TIAM1: variants seen among roughly 807,000 people sequenced by gnomAD.
The protein encoded by TIAM1 is rho guanine nucleotide exchange factor TIAM1.
TIAM1 carries 65 observed loss-of-function variants against 163.5 expected under a neutral mutation model. That is an observed-to-expected ratio of 0.40 (90% CI 0.33 to 0.49). The LOEUF (loss-of-function observed/expected upper bound fraction) is 0.49. TIAM1 is among the 20% of genes least tolerant of loss of function. TIAM1 has a pLI of 0.77. For missense variants in TIAM1, 1,789 were observed against 2,044.7 expected (o/e 0.87, Z 2.41); for synonymous variants, 833 against 810.1 (o/e 1.03, Z -0.48).
In TIAM1 at chr21:31,143,820, G is replaced by A. The variant is rs201955904; in HGVS notation, c.3476-2316C>T. ...TGGATCACTGCAACCTCTACCTCCC[G>A]AGTTCAAGCAATTGTCCTGCCTCAG... On this transcript the variant is annotated intron_variant, in intron 20 of 27. Coordinates refer to ENST00000541036, the MANE Select transcript of TIAM1 (RefSeq NM_001353694.2). Among the ~76,000 whole-genome samples, 31 of 151,594 alleles carry A rather than the reference G, an allele frequency of 2.0e-4. No individual in the cohort carries two copies. The East Asian group carries it at 2.9e-3, about 14-fold the overall frequency.
At chr21:31,176,542 T>C (rs1040603895) in intron 15 of TIAM1, among the ~76,000 whole-genome samples, 2 of 152,150 alleles carry the variant, frequency 1.3e-5, no homozygotes, top group African/African-American at 4.8e-5. Flanking sequence ...AGACTCTCCT[T>C]ATGCAGATCC....
intron 2 of TIAM1, among the ~76,000 whole-genome samples, chr21:31,396,834 C>T (rs1045999556): frequency 3.3e-5 from 5 of 151,674 alleles, no homozygotes; most frequent in African/African-American, 1.2e-4. Context: ...GCCTGTAATC[C>T]GAGCTACTCA....
chr21:31,185,792 T>C (rs982836682), intron 14 of TIAM1, among the ~76,000 whole-genome samples: 2 of 151,656 alleles, frequency 1.3e-5, no homozygotes, highest in Admixed American at 6.6e-5. Flanking sequence ...AAGAAAGCCA[T>C]GTTAATGACA....
At chr21:31,394,208 G>C (rs924738381) in intron 2 of TIAM1, among the ~76,000 whole-genome samples, 1 of 152,128 alleles carries the variant, frequency 6.6e-6, no homozygotes, top group Non-Finnish European at 1.5e-5. Context: ...GAAAAATATG[G>C]AAGAACCTTG....
chr21:31,452,075 C>G (rs183369864), intron 2 of TIAM1, among the ~76,000 whole-genome samples: 12 of 152,210 alleles, frequency 7.9e-5, no homozygotes, highest in Non-Finnish European at 1.5e-4. Flanking sequence ...CTAAGGTGAT[C>G]GATCCCAAAT....
intron 2 of TIAM1, among the ~76,000 whole-genome samples, chr21:31,401,509 C>T (rs748001648): frequency 6.6e-6 from 1 of 152,202 alleles, no homozygotes; most frequent in African/African-American, 2.4e-5. Flanking sequence ...TGCTTCCCAA[C>T]AATCCCACCT....
rs369488762 is a variant in TIAM1 at position 31,141,076 on chromosome 21, C to T, written c.3774+42G>A. The T allele has an allele frequency of 1.6e-5, 24 of 1,463,628 alleles. No individual in the cohort carries two copies. The highest frequency in any genetic ancestry group is 4.6e-5 in the East Asian group (2 of 43,452). 90.7% of individuals were successfully genotyped at this position (1,463,628 alleles called of 1,614,324 possible). ...AAATAAATAAAAGCAAACTCAAACTCGGCTTTCCTGACAGATGTCCTGAGA... is the reference window on the plus strand; with the variant it reads ...AAATAAATAAAAGCAAACTCAAACTTGGCTTTCCTGACAGATGTCCTGAGA... On this transcript the variant is annotated intron_variant, in intron 22 of 27. Transcript: ENST00000541036. The surrounding 1 kb of genome is among the most constrained non-coding windows in gnomAD (Gnocchi z 4.7).
intron 4 of TIAM1, among the ~76,000 whole-genome samples, chr21:31,262,832 A>G (rs2072550891): frequency 6.6e-6 from 1 of 152,222 alleles, no homozygotes; most frequent in South Asian, 2.1e-4. Context: ...AATTGCTGAC[A>G]GGATGATCAC....
At chr21:31,452,966 G>A in intron 2 of TIAM1, 1 of 511,734 alleles carries the variant, frequency 2.0e-6, no homozygotes, top group Non-Finnish European at 4.0e-6. Flanking sequence ...AACTCAGGCT[G>A]AATGGGGAAA....
chr21:31,255,778 T>C (rs7283333), intron 4 of TIAM1, among the ~76,000 whole-genome samples: 136,770 of 152,242 alleles, frequency 0.9, 61,621 homozygotes, highest in East Asian at 0.99. Flanking sequence ...ATGATCTAGC[T>C]GAGACTTCCA....
chr21:31,389,192 C>T (rs1375223780), intron 2 of TIAM1, among the ~76,000 whole-genome samples: 3 of 152,108 alleles, frequency 2.0e-5, no homozygotes, highest in Admixed American at 2.0e-4. Context: ...TTTTCCCAAC[C>T]ATTTATTTTA....
chr21:31,524,740 T>C (rs1039850081), intron 1 of TIAM1, among the ~76,000 whole-genome samples: 1 of 152,212 alleles, frequency 6.6e-6, no homozygotes, highest in Non-Finnish European at 1.5e-5. Flanking sequence ...AATGCTCCTT[T>C]AGCTAGATAA....
At chr21:31,184,339 CA>C (rs771135539) in intron 14 of TIAM1, among the ~76,000 whole-genome samples, 12 of 152,198 alleles carry the variant, frequency 7.9e-5, no homozygotes, top group Non-Finnish European at 2.9e-5. Flanking sequence ...CTCCTCACCT[CA>C]GGTGATCCGC....
intron 2 of TIAM1, among the ~76,000 whole-genome samples, chr21:31,393,187 C>G (rs2076997594): frequency 6.6e-6 from 1 of 152,250 alleles, no homozygotes; most frequent in South Asian, 2.1e-4. Context: ...AACTCCTGAC[C>G]TCAAGTGATC....
In TIAM1 at chr21:31,473,450, A is replaced by C. The variant is rs1166398757; in HGVS notation, c.-421-9415T>G. Among the ~76,000 whole-genome samples the C allele has an allele frequency of 2.3e-3, 202 of 86,874 alleles. 2 individuals are homozygous for C. The highest frequency in any genetic ancestry group is 8.8e-3 in the African/African-American group (187 of 21,216). The allele number at this position is 86,874 out of a possible 152,430, so 57.0% of individuals were successfully genotyped here. A position where few individuals can be genotyped will look rare whatever the true frequency, so the allele number is the denominator to read the frequency against. On this transcript the variant is annotated intron_variant, in intron 1 of 28. Transcript: ENST00000286827. ...ATCTCAAAAAAAAAAAAAAAAAAAA[A>C]AAAAAAAAAAAAAAAACATGGCTTA...
intron 10 of TIAM1, 50 bp downstream of exon 10, chr21:31,213,348 T>A (rs375495766): frequency 8.0e-6 from 12 of 1,495,686 alleles, no homozygotes; most frequent in Non-Finnish European, 1.1e-5. Flanking sequence ...CATGTATATG[T>A]TGATGCACTT....
intron 2 of TIAM1, among the ~76,000 whole-genome samples, chr21:31,441,295 C>A (rs1403841987): frequency 6.6e-6 from 1 of 152,172 alleles, no homozygotes; most frequent in Non-Finnish European, 1.5e-5. Flanking sequence ...CCAAGCATCC[C>A]CCTGCATAAG....
intron 15 of TIAM1, among the ~76,000 whole-genome samples, chr21:31,167,904 T>A (rs1342106709): frequency 2.0e-5 from 3 of 152,040 alleles, no homozygotes; most frequent in Non-Finnish European, 4.4e-5. Flanking sequence ...CTTCAGGAGT[T>A]AGAAGTGAAT....
chr21:31,275,674 G>A (rs867810124), intron 3 of TIAM1, among the ~76,000 whole-genome samples: 1 of 152,076 alleles, frequency 6.6e-6, no homozygotes, highest in Non-Finnish European at 1.5e-5. Context: ...CTAAATATAC[G>A]GAAGTTTTCG....
Sources: allele counts gnomAD v4.1 joint callset (sites outside exome capture counted in the v4.1 genomes callset), GRCh38; gene constraint gnomAD v4.1.1; non-coding constraint Gnocchi (gnomAD v3.1); transcripts MANE v1.5; gene names NCBI Gene and HGNC (gene_info 2026-07-23, HGNC 2026-07-21).